SOX21: variants seen among roughly 807,000 people sequenced by gnomAD.
SOX21 encodes SRY-box transcription factor 21, also known as transcription factor SOX-21.
For synonymous variants in SOX21, 237 were observed against 189.7 expected, an observed-to-expected ratio of 1.25 and a Z score of -2.05; for missense variants, 370 against 388.8, an observed-to-expected ratio of 0.95 and a Z score of 0.41.
In SOX21 at chr13:94,711,268, C is replaced by T. The variant is rs1178526046; in HGVS notation, c.782G>A (p.Gly261Asp). 7.2e-7 allele frequency: 1 copy of T among 1,379,404 alleles called. No homozygotes were observed. Among genetic ancestry groups the T allele is most frequent in the Admixed American group, 3.3e-5 (1 of 30,346 alleles). The allele number at this position is 1,379,404 out of a possible 1,614,324, so 85.4% of individuals were successfully genotyped here. A position where few individuals can be genotyped will look rare whatever the true frequency, so the allele number is the denominator to read the frequency against. The change falls in exon 1 of 1, where the codon GGC (glycine) becomes GAC (aspartate). Residue 261 changes from glycine to aspartate, a missense_variant. By Grantham distance (94) the Gly-to-Asp change is moderately conservative (BLOSUM62 -1). Coordinates refer to ENST00000376945, the MANE Select transcript of SOX21 (RefSeq NM_007084.4). ...PLAYILLPGMGKPQLDPYPAA... is the reference protein window; with the variant it reads ...PLAYILLPGMDKPQLDPYPAA... ...GGGGTAGGGGTCCAGCTGGGGCTTGCCCATGCCCGGCAGCAGGATGTAGGC... is the reference window on the plus strand; with the variant it reads ...GGGGTAGGGGTCCAGCTGGGGCTTGTCCATGCCCGGCAGCAGGATGTAGGC...
Position 94,712,347 on chromosome 13 carries a change from T to C in SOX21, c.-298A>G. 1 of 1,081,220 alleles carries C rather than the reference T, an allele frequency of 9.2e-7. No homozygotes were observed. Among genetic ancestry groups the C allele is most frequent in the Non-Finnish European group, 1.1e-6 (1 of 894,650 alleles). 67.0% of individuals were successfully genotyped at this position (1,081,220 alleles called of 1,614,324 possible). A position where few individuals can be genotyped will look rare whatever the true frequency, so the allele number is the denominator to read the frequency against. ...TTGCCCTTTACGTTCTTTGGGTCCTTCGTCTGCAGTGGCGTTTGCTGGTGA... is the reference window on the plus strand; with the variant it reads ...TTGCCCTTTACGTTCTTTGGGTCCTCCGTCTGCAGTGGCGTTTGCTGGTGA... On this transcript the variant is annotated 5_prime_UTR_variant, in exon 1 of 1. Transcript: ENST00000376945. The surrounding 1 kb of genome is among the most constrained non-coding windows in gnomAD (Gnocchi z 5.0).
rs1295241194 is a variant in SOX21, at chr13:94,711,726, G to A, written c.324C>T (p.His108=). 10 of 1,609,238 alleles carry A rather than the reference G, an allele frequency of 6.2e-6. No individual in the cohort carries two copies. The highest frequency in any genetic ancestry group is 8.5e-6 in the Non-Finnish European group (10 of 1,178,516). The change falls in exon 1 of 1, where the codon CAC becomes CAT. Residue 108 remains histidine, a synonymous_variant. Coordinates refer to ENST00000376945, the MANE Select transcript of SOX21 (RefSeq NM_007084.4). Reference sequence around the variant, plus strand: ...GCCCGGCGCCCGCCTTGAGCGCAGGGTGCTCGGCGTCCGCCACGCCGCCCA... The same window carrying A: ...GCCCGGCGCCCGCCTTGAGCGCAGGATGCTCGGCGTCCGCCACGCCGCCCA... ...YGLGGVADAE[H]PALKAGAGLH...
At position 94,711,870 on chromosome 13, in the gene SOX21, C is replaced by T; in HGVS notation, c.180G>A (p.Glu60=). Residue 60 remains glutamate, a synonymous_variant, in exon 1 of 1, where the codon GAG becomes GAA. Transcript: ENST00000376945. The part of the protein sequence containing the change: ...TESEKRPFID[E]AKRLRAMHMK... ...TGTGCATGGCGCGTAGACGCTTGGCCTCGTCGATGAACGGCCGCTTCTCCG... is the reference window on the plus strand; with the variant it reads ...TGTGCATGGCGCGTAGACGCTTGGCTTCGTCGATGAACGGCCGCTTCTCCG... 6.2e-7 allele frequency: 1 copy of T among 1,613,986 alleles called. No individual in the cohort carries two copies. The highest frequency in any genetic ancestry group is 8.5e-7 in the Non-Finnish European group (1 of 1,179,970).
chr13:94,711,274 C>T lies in SOX21; in HGVS notation c.776G>A (p.Gly259Asp), dbSNP rs1352844943. The change falls in exon 1 of 1, where the codon GGC (glycine) becomes GAC (aspartate). Residue 259 changes from glycine to aspartate, a missense_variant. By Grantham distance (94) the Gly-to-Asp change is moderately conservative (BLOSUM62 -1). Transcript: ENST00000376945. Reference protein sequence around the residue: ...QPPLAYILLPGMGKPQLDPYP... With the variant: ...QPPLAYILLPDMGKPQLDPYP... ...GGGGTCCAGCTGGGGCTTGCCCATG[C>T]CCGGCAGCAGGATGTAGGCGAGCGG... The T allele has an allele frequency of 1.4e-6, 2 of 1,383,430 alleles. No individual in the cohort carries two copies. Among genetic ancestry groups the T allele is most frequent in the Admixed American group, 3.2e-5 (1 of 31,084 alleles). 85.7% of individuals were successfully genotyped at this position (1,383,430 alleles called of 1,614,324 possible). A position where few individuals can be genotyped will look rare whatever the true frequency, so the allele number is the denominator to read the frequency against.
Position 94,711,323 on chromosome 13 carries a change from A to G in SOX21, c.727T>C (p.Trp243Arg). 1 of 1,309,424 alleles carries G rather than the reference A, an allele frequency of 7.6e-7. No individual in the cohort carries two copies. The highest frequency in any genetic ancestry group is 9.7e-7 in the Non-Finnish European group (1 of 1,035,414). The allele number at this position is 1,309,424 out of a possible 1,614,324, so 81.1% of individuals were successfully genotyped here. Residue 243 changes from tryptophan to arginine, a missense_variant, in exon 1 of 1, where the codon TGG becomes CGG. Transcript: ENST00000376945. ...GGCGGCTGCAGCCCGGGGCTGGGCCACGCGCTGCAGTTGCACGGGATCATG... is the reference window on the plus strand; with the variant it reads ...GGCGGCTGCAGCCCGGGGCTGGGCCGCGCGCTGCAGTTGCACGGGATCATG... The part of the protein sequence containing the change: ...GYMIPCNCSA[W>R]PSPGLQPPLA...
Position 94,711,336 on chromosome 13 carries a change from G to C in SOX21, c.714C>G (p.Cys238Trp), listed in dbSNP as rs1875232791. The change falls in exon 1 of 1, where the codon TGC (cysteine) becomes TGG (tryptophan). Residue 238 changes from cysteine (C) to tryptophan (W), a missense_variant. Physicochemically the swap from Cys to Trp is radical, Grantham distance 215. Transcript: ENST00000376945. Reference sequence around the variant, plus strand: ...CGGGGCTGGGCCACGCGCTGCAGTTGCACGGGATCATGTAGCCCGGGTTGC... The same window carrying C: ...CGGGGCTGGGCCACGCGCTGCAGTTCCACGGGATCATGTAGCCCGGGTTGC... ...SPGNPGYMIP[C>W]NCSAWPSPGL... The C allele has an allele frequency of 7.7e-7, 1 of 1,297,276 alleles. No individual in the cohort carries two copies. The highest frequency in any genetic ancestry group is 2.8e-5 in the South Asian group (1 of 36,184). 80.4% of individuals were successfully genotyped at this position (1,297,276 alleles called of 1,614,324 possible). A position where few individuals can be genotyped will look rare whatever the true frequency, so the allele number is the denominator to read the frequency against.
In SOX21 at chr13:94,711,376, G is replaced by T; in HGVS notation, c.674C>A (p.Ser225Ter). Residue 225 changes from serine to a stop codon, truncating the protein, a stop_gained, in exon 1 of 1, where the codon TCG becomes TAG. Coordinates refer to ENST00000376945, the MANE Select transcript of SOX21 (RefSeq NM_007084.4). LOFTEE classifies it high-confidence loss of function. ...AAAAAGGHTHSHPSPGNPGYM... is the reference protein window; with the variant it reads ...AAAAAGGHTH ...GCCCGGGTTGCCCGGGCTGGGGTGCGAGTGCGTGTGCCCCCCGGCGGCGGC... is the reference window on the plus strand; with the variant it reads ...GCCCGGGTTGCCCGGGCTGGGGTGCTAGTGCGTGTGCCCCCCGGCGGCGGC... 8.0e-7 allele frequency: 1 copy of T among 1,252,232 alleles called. No homozygotes were observed. 77.6% of individuals were successfully genotyped at this position (1,252,232 alleles called of 1,614,324 possible). A position where few individuals can be genotyped will look rare whatever the true frequency, so the allele number is the denominator to read the frequency against.
chr13:94,711,403 G>A lies in SOX21; in HGVS notation c.647C>T (p.Ala216Val). 8.3e-7 allele frequency: 1 copy of A among 1,207,846 alleles called. No individual in the cohort carries two copies. Among genetic ancestry groups the A allele is most frequent in the Non-Finnish European group, 1.0e-6 (1 of 971,792 alleles). 74.8% of individuals were successfully genotyped at this position (1,207,846 alleles called of 1,614,324 possible). The change falls in exon 1 of 1, where the codon GCC (alanine) becomes GTC (valine). Residue 216 changes from alanine to valine, a missense_variant. Ala to Val is a moderately conservative substitution (Grantham distance 64, BLOSUM62 0). Transcript: ENST00000376945. Reference protein sequence around the residue: ...HGAAAAAAAAAAAAGGHTHSH... With the variant: ...HGAAAAAAAAVAAAGGHTHSH... ...GTGCGTGTGCCCCCCGGCGGCGGCGGCCGCCGCTGCAGCCGCCGCCGCCGC... is the reference window on the plus strand; with the variant it reads ...GTGCGTGTGCCCCCCGGCGGCGGCGACCGCCGCTGCAGCCGCCGCCGCCGC...
chr13:94,712,232 G>T lies in SOX21; in HGVS notation c.-183C>A, dbSNP rs1875284744. 1 of 1,251,090 alleles carries T rather than the reference G, an allele frequency of 8.0e-7. No homozygotes were observed. The highest frequency in any genetic ancestry group is 1.0e-6 in the Non-Finnish European group (1 of 1,002,446). 77.5% of individuals were successfully genotyped at this position (1,251,090 alleles called of 1,614,324 possible). Reference sequence around the variant, plus strand: ...AGCCCAGGGCCACGCCGCGCCCCGGGCCGCCTTAGTGTCTCCGGCCGAGCG... The same window carrying T: ...AGCCCAGGGCCACGCCGCGCCCCGGTCCGCCTTAGTGTCTCCGGCCGAGCG... On this transcript the variant is annotated 5_prime_UTR_variant, in exon 1 of 1. Coordinates refer to ENST00000376945, the MANE Select transcript of SOX21 (RefSeq NM_007084.4). The surrounding 1 kb of genome is among the most constrained non-coding windows in gnomAD (Gnocchi z 5.0).
chr13:94,711,088 G>T lies in SOX21; in HGVS notation c.*131C>A. On this transcript the variant is annotated 3_prime_UTR_variant, in exon 1 of 1. Transcript: ENST00000376945. ...CGCCTGGCCTCTCTGCCTCTACCTG[G>T]CACCTATACATTCTATGTACATACA... 2.2e-6 allele frequency: 2 copies of T among 930,054 alleles called. No individual in the cohort carries two copies. The highest frequency in any genetic ancestry group is 2.8e-6 in the Non-Finnish European group (2 of 714,326). 57.6% of individuals were successfully genotyped at this position (930,054 alleles called of 1,614,324 possible). A position where few individuals can be genotyped will look rare whatever the true frequency, so the allele number is the denominator to read the frequency against.
At position 94,712,208 on chromosome 13, in the gene SOX21, G is replaced by A. The variant is rs977871934; in HGVS notation, c.-159C>T. On this transcript the variant is annotated 5_prime_UTR_variant, in exon 1 of 1. Transcript: ENST00000376945. The surrounding 1 kb of genome is among the most constrained non-coding windows in gnomAD (Gnocchi z 5.0). ...CCCGGAGGAGGGGGCTGGGGGACCAGCCCAGGGCCACGCCGCGCCCCGGGC... is the reference window on the plus strand; with the variant it reads ...CCCGGAGGAGGGGGCTGGGGGACCAACCCAGGGCCACGCCGCGCCCCGGGC... The A allele has an allele frequency of 5.4e-6, 7 of 1,284,712 alleles. No individual in the cohort carries two copies. In the African/African-American group the frequency reaches 9.4e-5, roughly 17 times the overall value. The allele number at this position is 1,284,712 out of a possible 1,614,324, so 79.6% of individuals were successfully genotyped here. A position where few individuals can be genotyped will look rare whatever the true frequency, so the allele number is the denominator to read the frequency against.
chr13:94,711,191 C>A lies in SOX21; in HGVS notation c.*28G>T. On this transcript the variant is annotated 3_prime_UTR_variant, in exon 1 of 1. Transcript: ENST00000376945. ...CTATACATATGTACACGTGTGCACACCGGTCCTCGCGAGGCGGCCCCGCGG... is the reference window on the plus strand; with the variant it reads ...CTATACATATGTACACGTGTGCACAACGGTCCTCGCGAGGCGGCCCCGCGG... 7.7e-7 allele frequency: 1 copy of A among 1,302,882 alleles called. No individual in the cohort carries two copies. Among genetic ancestry groups the A allele is most frequent in the Non-Finnish European group, 9.7e-7 (1 of 1,030,546 alleles). 80.7% of individuals were successfully genotyped at this position (1,302,882 alleles called of 1,614,324 possible).
chr13:94,711,534 C>T lies in SOX21; in HGVS notation c.516G>A (p.Leu172=). ...AAAAAGSPYS[L]LDLGSKMAEI... is the part of the protein sequence containing the mutation. ...CTGCCATTTTGGAGCCCAGGTCGAG[C>T]AGCGAGTAGGGGCTGCCCGCGGCGG... The change falls in exon 1 of 1, where the codon CTG becomes CTA. Residue 172 remains leucine (L), a synonymous_variant. Coordinates refer to ENST00000376945, the MANE Select transcript of SOX21 (RefSeq NM_007084.4). 9.8e-7 allele frequency: 1 copy of T among 1,022,594 alleles called. No individual in the cohort carries two copies. The highest frequency in any genetic ancestry group is 4.1e-5 in the South Asian group (1 of 24,606). The allele number at this position is 1,022,594 out of a possible 1,614,324, so 63.3% of individuals were successfully genotyped here. A position where few individuals can be genotyped will look rare whatever the true frequency, so the allele number is the denominator to read the frequency against.
Position 94,711,476 on chromosome 13 carries a change from C to G in SOX21, c.574G>C (p.Ala192Pro). Reference protein sequence around the residue: ...ISSSSSGLPYASSLGYPTAGA... With the variant: ...ISSSSSGLPYPSSLGYPTAGA... ...GCGGTCGGGTAGCCCAGCGACGACGCGTACGGGAGGCCGGACGAGGACGAC... is the reference window on the plus strand; with the variant it reads ...GCGGTCGGGTAGCCCAGCGACGACGGGTACGGGAGGCCGGACGAGGACGAC... The change falls in exon 1 of 1, where the codon GCG (alanine) becomes CCG (proline). Residue 192 changes from alanine to proline, a missense_variant. Coordinates refer to ENST00000376945, the MANE Select transcript of SOX21 (RefSeq NM_007084.4). 1.9e-6 allele frequency: 2 copies of G among 1,033,416 alleles called. No individual in the cohort carries two copies. Among genetic ancestry groups the G allele is most frequent in the Non-Finnish European group, 2.3e-6 (2 of 853,604 alleles). 64.0% of individuals were successfully genotyped at this position (1,033,416 alleles called of 1,614,324 possible). A position where few individuals can be genotyped will look rare whatever the true frequency, so the allele number is the denominator to read the frequency against.
In SOX21 at chr13:94,711,125, C is replaced by G; in HGVS notation, c.*94G>C. On this transcript the variant is annotated 3_prime_UTR_variant, in exon 1 of 1. Transcript: ENST00000376945. ...TCTATGTACATACAAACCGGGCCCC[C>G]GGTCGCGGGAGGGCGCACGGGGAGG... 1 of 1,162,566 alleles carries G rather than the reference C, an allele frequency of 8.6e-7. No homozygotes were observed. The highest frequency in any genetic ancestry group is 1.1e-6 in the Non-Finnish European group (1 of 924,120). The allele number at this position is 1,162,566 out of a possible 1,614,324, so 72.0% of individuals were successfully genotyped here. A position where few individuals can be genotyped will look rare whatever the true frequency, so the allele number is the denominator to read the frequency against.
In SOX21 at chr13:94,712,252, C is replaced by T. The variant is rs990118739; in HGVS notation, c.-203G>A. 29 of 1,222,164 alleles carry T rather than the reference C, an allele frequency of 2.4e-5. No individual in the cohort carries two copies. Among genetic ancestry groups the T allele is most frequent in the African/African-American group, 8.0e-5 (5 of 62,516 alleles). The allele number at this position is 1,222,164 out of a possible 1,614,324, so 75.7% of individuals were successfully genotyped here. A position where few individuals can be genotyped will look rare whatever the true frequency, so the allele number is the denominator to read the frequency against. On this transcript the variant is annotated 5_prime_UTR_variant, in exon 1 of 1. Coordinates refer to ENST00000376945, the MANE Select transcript of SOX21 (RefSeq NM_007084.4). This position sits in a 1 kb window ranked among gnomAD's most constrained non-coding sequence, Gnocchi z 5.0. ...CCCGGGCCGCCTTAGTGTCTCCGGCCGAGCGCTCGAGCAGGTTGTCTCTGG... is the reference window on the plus strand; with the variant it reads ...CCCGGGCCGCCTTAGTGTCTCCGGCTGAGCGCTCGAGCAGGTTGTCTCTGG...
rs1431491598 is a variant in SOX21, at chr13:94,711,735, G to C, written c.315C>G (p.Asp105Glu). 2 of 1,611,136 alleles carry C rather than the reference G, an allele frequency of 1.2e-6. No individual in the cohort carries two copies. The highest frequency in any genetic ancestry group is 8.5e-7 in the Non-Finnish European group (1 of 1,179,120). ...CCGCCTTGAGCGCAGGGTGCTCGGC[G>C]TCCGCCACGCCGCCCAGGCCGTAGG... Reference protein sequence around the residue: ...PVPYGLGGVADAEHPALKAGA... With the variant: ...PVPYGLGGVAEAEHPALKAGA... The change falls in exon 1 of 1, where the codon GAC becomes GAG. Residue 105 changes from aspartate (D) to glutamate (E), a missense_variant. By Grantham distance (45) the Asp-to-Glu change is conservative. Coordinates refer to ENST00000376945, the MANE Select transcript of SOX21 (RefSeq NM_007084.4).
rs758186177 is a variant in SOX21 at position 94,711,807 on chromosome 13, G to C, written c.243C>G (p.Arg81=). The change falls in exon 1 of 1, where the codon CGC becomes CGG. Residue 81 remains arginine, a synonymous_variant. Transcript: ENST00000376945. ...EHPDYKYRPR[R]KPKTLLKKDK... ...CCTTCTTGAGCAGCGTCTTGGGCTT[G>C]CGCCGCGGCCGGTACTTGTAGTCGG... 54 of 1,613,686 alleles carry C rather than the reference G, an allele frequency of 3.3e-5. No homozygotes were observed. Among genetic ancestry groups the C allele is most frequent in the Non-Finnish European group, 4.0e-5 (47 of 1,179,892 alleles).
Position 94,711,822 on chromosome 13 carries a change from C to T in SOX21, c.228G>A (p.Lys76=), listed in dbSNP as rs1411482968. The change falls in exon 1 of 1, where the codon AAG becomes AAA. Residue 76 remains lysine, a synonymous_variant. Coordinates refer to ENST00000376945, the MANE Select transcript of SOX21 (RefSeq NM_007084.4). The part of the protein sequence containing the change: ...AMHMKEHPDY[K]YRPRRKPKTL... ...TCTTGGGCTTGCGCCGCGGCCGGTA[C>T]TTGTAGTCGGGGTGCTCCTTCATGT... The T allele has an allele frequency of 1.2e-6, 2 of 1,613,908 alleles. No individual in the cohort carries two copies. Among genetic ancestry groups the T allele is most frequent in the Non-Finnish European group, 1.7e-6 (2 of 1,179,916 alleles).
Sources: allele counts gnomAD v4.1 joint callset, GRCh38; gene constraint gnomAD v4.1.1; non-coding constraint Gnocchi (gnomAD v3.1); transcripts MANE v1.5; gene names NCBI Gene and HGNC (gene_info 2026-07-23, HGNC 2026-07-21).